SLC5A4: variants seen among roughly 807,000 people sequenced by gnomAD.
SLC5A4 encodes solute carrier family 5 member 4.
Under a neutral mutation model 70.3 loss-of-function variants are expected in SLC5A4, and 55 were observed. The ratio of observed to expected loss-of-function variants is 0.78; its 90% CI spans 0.63 to 0.98. SLC5A4 has a LOEUF of 0.98. Among genes scored for constraint, SLC5A4 ranks in the 50% least tolerant of loss-of-function variants. The pLI is 0.00. For missense variants in SLC5A4, 735 were observed against 839.2 expected (o/e 0.88, Z 1.53); for synonymous variants, 268 against 305.7 (o/e 0.88, Z 1.29).
chr22:32,327,422 A>G, the SLC5A4 span: 1 of 152,348 alleles, frequency 6.6e-6, no homozygotes, highest in Non-Finnish European at 1.5e-5. Context: ...GGGATGGCCC[A>G]GTTCTTGCAC....
At position 32,218,477 on chromosome 22, in the gene SLC5A4, T is replaced by G. The variant is rs181358016; in HGVS notation, c.*37A>C. 4 of 1,132,194 alleles carry G rather than the reference T, an allele frequency of 3.5e-6. No homozygotes were observed. The African/African-American group carries it at 6.3e-5, about 18-fold the overall frequency. 70.1% of individuals were successfully genotyped at this position (1,132,194 alleles called of 1,614,324 possible). A position where few individuals can be genotyped will look rare whatever the true frequency, so the allele number is the denominator to read the frequency against. Reference sequence around the variant, plus strand: ...CTAAAATTATCCTTTGGTTCATTATTAAGAATTATTCATTATTCTAATGGC... The same window carrying G: ...CTAAAATTATCCTTTGGTTCATTATGAAGAATTATTCATTATTCTAATGGC... On this transcript the variant is annotated 3_prime_UTR_variant, in exon 15 of 15. Transcript: ENST00000266086.
intron 8 of SLC5A4, among the ~76,000 whole-genome samples, chr22:32,233,418 C>T (rs569001042): frequency 6.6e-6 from 1 of 152,208 alleles, no homozygotes; most frequent in South Asian, 2.1e-4. Flanking sequence ...TGAGGCCTAG[C>T]TTAGGAAGAT....
chr22:32,272,409 CT>C, the SLC5A4 span: 2 of 904,564 alleles, frequency 2.2e-6, no homozygotes, highest in Non-Finnish European at 1.8e-6. Flanking sequence ...CGGGCATGGC[CT>C]TCATGGTCGA....
the SLC5A4 span, chr22:32,270,103 C>T: frequency 1.9e-6 from 1 of 521,924 alleles, no homozygotes; most frequent in Non-Finnish European, 3.6e-6. Context: ...AGCTGGTCAG[C>T]CAGGGACAAA....
chr22:32,310,059 AGGGGGGAGGGAGGACGGGGGATGGGGG>A, the SLC5A4 span, among the ~76,000 whole-genome samples: 1 of 5,514 alleles, frequency 1.8e-4, no homozygotes, highest in East Asian at 4.8e-3. Context: ...CGGGGTGGGG[AGGGGGGAGGGAGGACGGGGGATGGGGG>A]GGGTGGCAGA....
chr22:32,324,955 C>A, the SLC5A4 span, among the ~76,000 whole-genome samples: 1 of 152,254 alleles, frequency 6.6e-6, no homozygotes, highest in South Asian at 2.1e-4. Flanking sequence ...TGGTCACATG[C>A]GGGGCTGTAG....
intron 14 of SLC5A4, 73 bp from the exon 15 acceptor site, chr22:32,218,798 T>A: frequency 9.8e-7 from 1 of 1,025,198 alleles, no homozygotes; most frequent in Non-Finnish European, 1.5e-6. Flanking sequence ...GTCAGTGTAG[T>A]ACCTATGACT....
the SLC5A4 span, among the ~76,000 whole-genome samples, chr22:32,330,108 A>G: frequency 9.5e-4 from 55 of 57,648 alleles, no homozygotes; most frequent in African/African-American, 1.4e-3. Flanking sequence ...GGGCTGTGGT[A>G]TGTGTGTTGG....
chr22:32,354,659 G>A, the SLC5A4 span, among the ~76,000 whole-genome samples: 7,406 of 150,532 alleles, frequency 0.049, 235 homozygotes, highest in South Asian at 0.096. Flanking sequence ...CCCCAGCCAC[G>A]GGCAGCGCAC....
the SLC5A4 span, among the ~76,000 whole-genome samples, chr22:32,316,108 GAAAA>G: frequency 1.5e-5 from 2 of 132,028 alleles, no homozygotes; most frequent in South Asian, 2.7e-4. Context: ...GACTCTGTCT[GAAAA>G]AAAAAAAAAA....
At chr22:32,335,453 C>G in the SLC5A4 span, among the ~76,000 whole-genome samples, 2 of 152,190 alleles carry the variant, frequency 1.3e-5, no homozygotes, top group African/African-American at 4.8e-5. Context: ...ACAGAGTGGA[C>G]AGAGACAAGA....
At chr22:32,262,646 CT>C in the SLC5A4 span, among the ~76,000 whole-genome samples, 3 of 152,034 alleles carry the variant, frequency 2.0e-5, no homozygotes, top group Non-Finnish European at 2.9e-5. Context: ...CTGCATGTTT[CT>C]TTTTTTTGTT....
the SLC5A4 span, among the ~76,000 whole-genome samples, chr22:32,280,012 T>C: frequency 6.6e-6 from 1 of 152,070 alleles, no homozygotes; most frequent in Non-Finnish European, 1.5e-5. Flanking sequence ...TTTTTTGTTG[T>C]TGTTGTTTGT....
the SLC5A4 span, among the ~76,000 whole-genome samples, chr22:32,312,363 GCGCACACACA>G: frequency 3.5e-5 from 3 of 84,546 alleles, no homozygotes; most frequent in African/African-American, 1.2e-4. Context: ...ACACGCGCGC[GCGCACACACA>G]CACACACACA....
At chr22:32,219,991 C>T (rs1400864834) in intron 14 of SLC5A4, among the ~76,000 whole-genome samples, 1 of 151,358 alleles carries the variant, frequency 6.6e-6, no homozygotes, top group Non-Finnish European at 1.5e-5. Flanking sequence ...CTAAATAGTT[C>T]TATAGCCATT....
intron 5 of SLC5A4, among the ~76,000 whole-genome samples, chr22:32,239,524 A>T (rs1223739947): frequency 1.4e-4 from 1 of 7,240 alleles, no homozygotes; most frequent in African/African-American, 1.2e-3. Context: ...CATATTATAT[A>T]TATATATATA....
the SLC5A4 span, among the ~76,000 whole-genome samples, chr22:32,311,522 C>T: frequency 1.3e-5 from 2 of 152,232 alleles, no homozygotes; most frequent in African/African-American, 4.8e-5. Flanking sequence ...GTGATTAGCT[C>T]TGTGGGTGGA....
the SLC5A4 span, chr22:32,269,496 G>T: frequency 1.7e-6 from 1 of 572,014 alleles, no homozygotes; most frequent in South Asian, 1.5e-5. The surrounding 1 kb of genome is among the most constrained non-coding windows in gnomAD (Gnocchi z 4.1). Context: ...ACCTGGCCCG[G>T]GCACGTGGCT....
At chr22:32,325,154 C>T in the SLC5A4 span, among the ~76,000 whole-genome samples, 1 of 152,254 alleles carries the variant, frequency 6.6e-6, no homozygotes, top group Non-Finnish European at 1.5e-5. Context: ...CAACTCTTGG[C>T]CCCTCGCACT....
Sources: gnomAD v4.1 joint callset for allele counts (sites outside exome capture counted in the v4.1 genomes callset) on GRCh38, gnomAD v4.1.1 for gene constraint, Gnocchi (gnomAD v3.1) non-coding constraint, MANE v1.5 for transcripts, NCBI Gene and HGNC (gene_info 2026-07-23, HGNC 2026-07-21) for gene names.